ALPK2: variants seen among roughly 807,000 people sequenced by gnomAD.
ALPK2 encodes alpha kinase 2, also known as alpha-protein kinase 2.
Under a neutral mutation model 163.1 loss-of-function variants are expected in ALPK2, and 127 were observed. That is an observed-to-expected ratio of 0.78 (90% CI 0.67 to 0.90). The LOEUF is 0.90. ALPK2 is among the 40% of genes least tolerant of loss of function. The pLI, the probability that ALPK2 is intolerant of heterozygous loss-of-function variation, is 0.00. For missense variants in ALPK2, 2,360 were observed against 2,589.6 expected (o/e 0.91, Z 1.92); for synonymous variants, 953 against 959.1 (o/e 0.99, Z 0.12).
intron 4 of ALPK2, among the ~76,000 whole-genome samples, chr18:58,567,884 G>A (rs530604158): frequency 6.6e-6 from 1 of 152,170 alleles, no homozygotes; most frequent in South Asian, 2.1e-4. Flanking sequence ...GTTGAGTGGC[G>A]CCCCCAGACC....
At chr18:58,549,347 A>G (rs1240059733) in intron 4 of ALPK2, among the ~76,000 whole-genome samples, 2 of 152,246 alleles carry the variant, frequency 1.3e-5, no homozygotes, top group Non-Finnish European at 2.9e-5. Context: ...GAGGAGGACT[A>G]TGGTGCAGAT....
At chr18:58,482,223 TAAGTA>T (rs1190912344) in intron 12 of ALPK2, among the ~76,000 whole-genome samples, 184 bp from the exon 13 acceptor site, 1 of 152,070 alleles carries the variant, frequency 6.6e-6, no homozygotes, top group East Asian at 1.9e-4. Flanking sequence ...ACTGTGGAAA[TAAGTA>T]AAGGCAAAGA....
intron 8 of ALPK2, among the ~76,000 whole-genome samples, chr18:58,523,547 T>C (rs1005109508): frequency 8.5e-5 from 13 of 152,300 alleles, no homozygotes; most frequent in South Asian, 4.2e-4. Flanking sequence ...TAAAAGTGTT[T>C]CTATTTCTCC....
At chr18:58,482,086 TTTCATCAG>T (rs764694772) in intron 12 of ALPK2, 47 bp from the exon 13 acceptor site, 4 of 1,429,206 alleles carry the variant, frequency 2.8e-6, no homozygotes, top group Non-Finnish European at 3.9e-6. Flanking sequence ...AACAGGACAC[TTTCATCAG>T]TTTAAAAAGA....
rs117931627 is a variant in ALPK2, at chr18:58,571,614, T to C, written c.1962+7200A>G. Among the ~76,000 whole-genome samples the C allele has an allele frequency of 8.7e-3, 1,325 of 151,596 alleles. 8 individuals carry two copies. The highest frequency in any genetic ancestry group is 0.012 in the Non-Finnish European group (794 of 67,874). On this transcript the variant is annotated intron_variant, in intron 4 of 12. Transcript: ENST00000361673. Reference sequence around the variant, plus strand: ...TTTAGACTTGACACCAAAAGCAAAATCCATAAAAGGAAAAACTGACCATTA... The same window carrying C: ...TTTAGACTTGACACCAAAAGCAAAACCCATAAAAGGAAAAACTGACCATTA...
chr18:58,501,508 C>T (rs1235001556), intron 11 of ALPK2, among the ~76,000 whole-genome samples: 1 of 152,216 alleles, frequency 6.6e-6, no homozygotes, highest in Non-Finnish European at 1.5e-5. Flanking sequence ...GCAAGGAGTC[C>T]TTCCAAGGGC....
chr18:58,547,561 A>G (rs931165561), intron 4 of ALPK2, among the ~76,000 whole-genome samples: 1 of 152,242 alleles, frequency 6.6e-6, no homozygotes, highest in Non-Finnish European at 1.5e-5. Flanking sequence ...TTACAGACCT[A>G]GTCCAAGCCA....
chr18:58,499,114 G>T (rs2051418124), intron 11 of ALPK2, among the ~76,000 whole-genome samples: 2 of 152,188 alleles, frequency 1.3e-5, no homozygotes, highest in African/African-American at 4.8e-5. Context: ...TTTGGAACAC[G>T]TGGTCCTTGG....
intron 10 of ALPK2, among the ~76,000 whole-genome samples, chr18:58,512,989 TGGTGTGTGTTGTGTGTTTATGTGG>T (rs2051501230): frequency 7.1e-6 from 1 of 140,862 alleles, no homozygotes; most frequent in African/African-American, 2.7e-5. Context: ...GGTGTGTGTG[TGGTGTGTGTTGTGTGTTTATGTGG>T]GGTGTGTGTG....
intron 12 of ALPK2, among the ~76,000 whole-genome samples, chr18:58,490,507 C>A (rs2051368467): frequency 6.6e-6 from 1 of 152,090 alleles, no homozygotes; most frequent in African/African-American, 2.4e-5. Context: ...CTGGCACTCT[C>A]TGCCTTTCTT....
At chr18:58,552,845 T>C (rs900226899) in intron 4 of ALPK2, among the ~76,000 whole-genome samples, 1 of 152,088 alleles carries the variant, frequency 6.6e-6, no homozygotes, top group Non-Finnish European at 1.5e-5. Flanking sequence ...GTTGATTGTG[T>C]CCCGCAAAAA....
chr18:58,566,551 T>C (rs2144182826), intron 4 of ALPK2: 1 of 152,316 alleles, frequency 6.6e-6, no homozygotes, highest in Non-Finnish European at 1.5e-5. Flanking sequence ...CAGCAGGCAG[T>C]AGATTTGTTA....
intron 4 of ALPK2, among the ~76,000 whole-genome samples, chr18:58,564,435 A>G (rs1358195590): frequency 1.3e-5 from 2 of 151,934 alleles, no homozygotes; most frequent in Non-Finnish European, 2.9e-5. Context: ...TTCATTTTTT[A>G]TTAAGCTATT....
intron 12 of ALPK2, among the ~76,000 whole-genome samples, chr18:58,495,029 G>A (rs1177842141): frequency 1.4e-5 from 2 of 146,022 alleles, no homozygotes; most frequent in South Asian, 2.1e-4. Context: ...CAGCAAGCAG[G>A]CTGCCCCATG....
At position 58,535,949 on chromosome 18, in the gene ALPK2, T is replaced by C; in HGVS notation, c.4238A>G (p.Glu1413Gly). Residue 1413 changes from glutamate to glycine, a missense_variant, in exon 5 of 13, where the codon GAG (glutamate) becomes GGG (glycine). Transcript: ENST00000361673. ...CTCTGGTTTTCCAGCCCTGGTGTAC[T>C]CTATCACACTTATCTCATCAATGGG... ...VDPIDEISVIEYTRAGKPEPS... is the reference protein window; with the variant it reads ...VDPIDEISVIGYTRAGKPEPS... 1 of 1,614,234 alleles carries C rather than the reference T, an allele frequency of 6.2e-7. No homozygotes were observed. The highest frequency in any genetic ancestry group is 1.1e-5 in the South Asian group (1 of 91,090).
intron 4 of ALPK2, among the ~76,000 whole-genome samples, chr18:58,571,314 C>G (rs923718853): frequency 6.6e-6 from 1 of 151,822 alleles, no homozygotes; most frequent in African/African-American, 2.4e-5. Context: ...AGCCACCGCA[C>G]TTGGCAAACC....
intron 12 of ALPK2, among the ~76,000 whole-genome samples, chr18:58,490,251 T>C (rs760226808): frequency 2.4e-4 from 37 of 152,202 alleles, no homozygotes; most frequent in Non-Finnish European, 4.6e-4. Flanking sequence ...TCTAGAGAAG[T>C]TGTCCCCCTT....
chr18:58,483,735 T>A (rs1406675519), intron 12 of ALPK2, among the ~76,000 whole-genome samples: 1 of 150,524 alleles, frequency 6.6e-6, no homozygotes, highest in Non-Finnish European at 1.5e-5. Flanking sequence ...TATTTTTTTT[T>A]TTTTTTTTAA....
At chr18:58,533,829 G>A (rs1345256149) in intron 5 of ALPK2, among the ~76,000 whole-genome samples, 1 of 152,152 alleles carries the variant, frequency 6.6e-6, no homozygotes, top group African/African-American at 2.4e-5. Flanking sequence ...TCAGAAGGCA[G>A]TTTTGTCTTT....
Sources: allele counts gnomAD v4.1 joint callset (sites outside exome capture counted in the v4.1 genomes callset), GRCh38; gene constraint gnomAD v4.1.1; transcripts MANE v1.5; gene names NCBI Gene and HGNC (gene_info 2026-07-23, HGNC 2026-07-21).